The following ADGRB3 variants were observed in gnomAD, a reference collection of about 807,000 sequenced individuals.
ADGRB3 encodes the protein adhesion G protein-coupled receptor B3, also known as brain-specific angiogenesis inhibitor 3.
A neutral mutation model predicts 193.4 loss-of-function variants in ADGRB3; 37 were observed. The observed-to-expected ratio is 0.19, with a 90% CI of 0.15 to 0.25. The LOEUF is 0.25. ADGRB3 is among the 10% of genes least tolerant of loss of function. The pLI is 1.00. For synonymous variants in ADGRB3, 690 were observed against 644.2 expected (o/e 1.07, Z -1.08); for missense variants, 1,637 against 1,852.9 (o/e 0.88, Z 2.14).
At chr6:68,802,390 A>G (rs1451359928) in intron 3 of ADGRB3, among the ~76,000 whole-genome samples, 3 of 152,168 alleles carry the variant, frequency 2.0e-5, no homozygotes, top group Non-Finnish European at 2.9e-5. Flanking sequence ...AGAAAAGTAC[A>G]ATACTAGGCT....
At chr6:69,060,190 C>T (rs955711778) in intron 15 of ADGRB3, among the ~76,000 whole-genome samples, 48 of 131,480 alleles carry the variant, frequency 3.7e-4, no homozygotes, top group African/African-American at 1.5e-3. Context: ...TTTTCTTTCT[C>T]TCTCTCTCTT....
intron 13 of ADGRB3, among the ~76,000 whole-genome samples, chr6:69,025,222 G>T (rs914873460): frequency 2.6e-5 from 4 of 152,044 alleles, no homozygotes; most frequent in Non-Finnish European, 5.9e-5. Flanking sequence ...ATACAATGTT[G>T]ACATCTCCTT....
At chr6:69,091,617 C>A (rs1357037642) in intron 17 of ADGRB3, among the ~76,000 whole-genome samples, 6 of 152,022 alleles carry the variant, frequency 3.9e-5, no homozygotes, top group African/African-American at 1.2e-4. Context: ...TAGAAGGAAA[C>A]AACACATACC....
chr6:68,640,908 G>A (rs894483551), intron 3 of ADGRB3, among the ~76,000 whole-genome samples: 2 of 152,178 alleles, frequency 1.3e-5, no homozygotes, highest in African/African-American at 4.8e-5. Context: ...GCAGGTCAGT[G>A]TTTCACTATC....
chr6:69,057,521 G>GTTTTGTTTTC (rs1771579041), intron 15 of ADGRB3, among the ~76,000 whole-genome samples: 1 of 151,602 alleles, frequency 6.6e-6, no homozygotes, highest in African/African-American at 2.4e-5. Flanking sequence ...TTTTTGTTTT[G>GTTTTGTTTTC]TTTTGTTTTG....
At chr6:69,311,077 G>A (rs1183867236) in intron 20 of ADGRB3, among the ~76,000 whole-genome samples, 2 of 151,680 alleles carry the variant, frequency 1.3e-5, no homozygotes, top group Non-Finnish European at 3.0e-5. Flanking sequence ...AGCTTGAGAC[G>A]TATCTTCAAT....
chr6:69,367,923 C>T (rs1337179291), intron 29 of ADGRB3, among the ~76,000 whole-genome samples: 2 of 143,770 alleles, frequency 1.4e-5, no homozygotes, highest in African/African-American at 5.2e-5. Flanking sequence ...CATATTCTCA[C>T]TCATAGGTAG....
At chr6:69,159,396 A>T (rs947866111) in intron 17 of ADGRB3, among the ~76,000 whole-genome samples, 3 of 152,080 alleles carry the variant, frequency 2.0e-5, no homozygotes, top group African/African-American at 7.2e-5. Flanking sequence ...AAGTATTAGT[A>T]GAATTGATTA....
chr6:69,245,379 T>G (rs1465428272), intron 20 of ADGRB3, among the ~76,000 whole-genome samples: 1 of 152,120 alleles, frequency 6.6e-6, no homozygotes, highest in Non-Finnish European at 1.5e-5. Context: ...TGAAGCATAT[T>G]TTGTTTATCT....
At chr6:69,080,988 A>G (rs1040078599) in intron 17 of ADGRB3, among the ~76,000 whole-genome samples, 1 of 151,984 alleles carries the variant, frequency 6.6e-6, no homozygotes, top group African/African-American at 2.4e-5. Flanking sequence ...ATTTTACTGG[A>G]TAGTTCCTAA....
At chr6:68,969,575 T>C (rs1002912018) in intron 8 of ADGRB3, among the ~76,000 whole-genome samples, 3 of 152,108 alleles carry the variant, frequency 2.0e-5, no homozygotes, top group Admixed American at 6.5e-5. Flanking sequence ...AACTTTATCT[T>C]AGAGATTACT....
At chr6:68,915,761 G>C (rs1011487149) in intron 3 of ADGRB3, among the ~76,000 whole-genome samples, 1 of 151,134 alleles carries the variant, frequency 6.6e-6, no homozygotes, top group African/African-American at 2.5e-5. Context: ...AGCTTTGAGT[G>C]GGAGGGGAAA....
chr6:69,125,597 A>G (rs1773830355), intron 17 of ADGRB3, among the ~76,000 whole-genome samples: 1 of 152,076 alleles, frequency 6.6e-6, no homozygotes, highest in African/African-American at 2.4e-5. Flanking sequence ...TGTCACCTTG[A>G]TCTTGAACTT....
intron 20 of ADGRB3, among the ~76,000 whole-genome samples, chr6:69,259,639 T>G (rs1766872130): frequency 1.5e-5 from 2 of 136,576 alleles, no homozygotes; most frequent in South Asian, 4.4e-4. Context: ...GAGCTTGCAG[T>G]GAGCCGAGAT....
chr6:69,048,037 T>G (rs1208322318), intron 13 of ADGRB3, 148 bp from the exon 14 acceptor site: 1 of 872,608 alleles, frequency 1.1e-6, no homozygotes, highest in Non-Finnish European at 1.7e-6. Context: ...TTTTGTCTAA[T>G]AAGACATAAG....
chr6:68,687,094 A>G (rs1764996624), intron 3 of ADGRB3, among the ~76,000 whole-genome samples: 1 of 152,152 alleles, frequency 6.6e-6, no homozygotes, highest in South Asian at 2.1e-4. Flanking sequence ...GGATATATAC[A>G]TTTATGATAT....
chr6:69,296,220 A>G (rs1332591106), intron 20 of ADGRB3, among the ~76,000 whole-genome samples: 1 of 152,196 alleles, frequency 6.6e-6, no homozygotes, highest in Non-Finnish European at 1.5e-5. Context: ...TAATAGCTGC[A>G]ATAAGTACAA....
chr6:68,997,713 G>A (rs960557133), intron 11 of ADGRB3, among the ~76,000 whole-genome samples: 1 of 151,406 alleles, frequency 6.6e-6, no homozygotes, highest in Non-Finnish European at 1.5e-5. Flanking sequence ...CATAAGAATT[G>A]GCCTGATTCC....
At chr6:69,229,068 C>A (rs769336603) in intron 17 of ADGRB3, among the ~76,000 whole-genome samples, 2 of 152,108 alleles carry the variant, frequency 1.3e-5, no homozygotes, top group Admixed American at 6.5e-5. Flanking sequence ...AATCAATGGG[C>A]TAGATGATCA....
Sources: gnomAD v4.1 joint callset for allele counts (sites outside exome capture counted in the v4.1 genomes callset) on GRCh38, gnomAD v4.1.1 for gene constraint, MANE v1.5 for transcripts, NCBI Gene and HGNC (gene_info 2026-07-23, HGNC 2026-07-21) for gene names.